The following RBPMS variants were observed in gnomAD, a reference collection of about 807,000 sequenced individuals.
RBPMS encodes the protein RNA binding protein, mRNA processing factor.
In RBPMS, 7 loss-of-function variants were observed where a neutral mutation model predicts 26.8. That is an observed-to-expected ratio of 0.26 (90% CI 0.15 to 0.49). The LOEUF is 0.49. RBPMS is among the 20% of genes least tolerant of loss of function. The pLI, the probability that RBPMS is intolerant of heterozygous loss-of-function variation, is 0.98. For missense variants in RBPMS, 186 were observed against 250.0 expected (o/e 0.74, Z 1.73); for synonymous variants, 96 against 93.3 (o/e 1.03, Z -0.17).
intron 1 of RBPMS, among the ~76,000 whole-genome samples, chr8:30,469,507 G>A (rs529654220): frequency 6.6e-6 from 1 of 152,358 alleles, no homozygotes; most frequent in South Asian, 2.1e-4. Context: ...TTTCAGTCCT[G>A]TTGGGGTAAA....
intron 4 of RBPMS, among the ~76,000 whole-genome samples, chr8:30,488,136 C>T (rs10108142): frequency 0.024 from 3,660 of 152,064 alleles, 139 homozygotes; most frequent in African/African-American, 0.083. Context: ...TTACACAAGA[C>T]ATCAGTCATA....
intron 5 of RBPMS, among the ~76,000 whole-genome samples, chr8:30,515,819 C>CT (rs1358265830): frequency 1.3e-5 from 2 of 151,976 alleles, no homozygotes; most frequent in Non-Finnish European, 2.9e-5. Flanking sequence ...CCTTGCCTGT[C>CT]TAATTTTCTA....
At chr8:30,437,790 CAA>C (rs11290191) in intron 1 of RBPMS, among the ~76,000 whole-genome samples, 123 of 106,180 alleles carry the variant, frequency 1.2e-3, no homozygotes, top group Admixed American at 1.2e-3. Context: ...GACTCCATCT[CAA>C]AAAAAAAAAA....
chr8:30,417,021 T>G (rs1359962168), intron 1 of RBPMS, among the ~76,000 whole-genome samples: 1 of 152,218 alleles, frequency 6.6e-6, no homozygotes, highest in Non-Finnish European at 1.5e-5. Flanking sequence ...CCTGCCCGCC[T>G]TGGCCTTCCA....
intron 1 of RBPMS, among the ~76,000 whole-genome samples, chr8:30,411,330 G>A (rs774171026): frequency 7.2e-5 from 11 of 152,034 alleles, no homozygotes; most frequent in African/African-American, 1.2e-4. Flanking sequence ...GACAGAGGAC[G>A]GAGGGTGGTG....
intron 1 of RBPMS, among the ~76,000 whole-genome samples, chr8:30,438,057 T>C (rs1458769757): frequency 6.6e-6 from 1 of 152,360 alleles, no homozygotes; most frequent in Non-Finnish European, 1.5e-5. Context: ...TTATTACTTA[T>C]TATTCATTCC....
intron 4 of RBPMS, among the ~76,000 whole-genome samples, chr8:30,486,295 G>A (rs1415326529): frequency 6.6e-6 from 1 of 151,484 alleles, no homozygotes; most frequent in East Asian, 1.9e-4. Flanking sequence ...AGCCAAGATC[G>A]CACCACTGCA....
At chr8:30,460,854 C>G (rs970714981) in intron 1 of RBPMS, among the ~76,000 whole-genome samples, 8 of 151,858 alleles carry the variant, frequency 5.3e-5, no homozygotes, top group African/African-American at 1.7e-4. Context: ...CTCAGGAGTT[C>G]GATAAATGTT....
Position 30,423,149 on chromosome 8 carries a change from G to A in RBPMS, c.66+37991G>A, listed in dbSNP as rs538544867. 4.3e-4 allele frequency among the ~76,000 whole-genome samples: 66 copies of A among 152,338 alleles called. 1 individual carries two copies. Among genetic ancestry groups the A allele is most frequent in the Admixed American group, 4.0e-3 (61 of 15,300 alleles). On this transcript the variant is annotated intron_variant, in intron 1 of 8. Transcript: ENST00000397323. ...TGTTTACTCTGGGTTCTGAATCGCC[G>A]TGGGCTTTGTTATCTGGTTTCCCAG...
At chr8:30,393,854 T>G (rs1808078654) in intron 1 of RBPMS, among the ~76,000 whole-genome samples, 1 of 149,106 alleles carries the variant, frequency 6.7e-6, no homozygotes, top group South Asian at 2.2e-4. Context: ...CTTTAAAAGT[T>G]TGCTGCCTTT....
intron 7 of RBPMS, among the ~76,000 whole-genome samples, chr8:30,560,689 G>A (rs1257883768): frequency 6.6e-6 from 1 of 152,166 alleles, no homozygotes; most frequent in African/African-American, 2.4e-5. Context: ...TTTACCCAAA[G>A]ATTCTCAGAG....
At chr8:30,542,068 C>T (rs866975106) in intron 5 of RBPMS, among the ~76,000 whole-genome samples, 8 of 152,092 alleles carry the variant, frequency 5.3e-5, no homozygotes, top group South Asian at 2.1e-4. Context: ...AGAAGGGAGA[C>T]GGAGATGATA....
At chr8:30,445,898 C>T (rs1813706597) in intron 1 of RBPMS, among the ~76,000 whole-genome samples, 2 of 151,966 alleles carry the variant, frequency 1.3e-5, no homozygotes, top group South Asian at 4.1e-4. Context: ...CTCCTGGACT[C>T]AAGTGATCCA....
At chr8:30,503,878 G>C (rs1467188110) in intron 4 of RBPMS, among the ~76,000 whole-genome samples, 1 of 152,116 alleles carries the variant, frequency 6.6e-6, no homozygotes, top group Non-Finnish European at 1.5e-5. Context: ...GACTTGTCTT[G>C]CGCTAGTGTC....
At chr8:30,433,040 C>G (rs944636073) in intron 1 of RBPMS, among the ~76,000 whole-genome samples, 2 of 152,270 alleles carry the variant, frequency 1.3e-5, no homozygotes, top group African/African-American at 4.8e-5. Context: ...AGAATAGACC[C>G]CTCTTTCAGT....
chr8:30,500,923 A>G (rs1820490838), intron 4 of RBPMS, among the ~76,000 whole-genome samples: 1 of 152,080 alleles, frequency 6.6e-6, no homozygotes, highest in Admixed American at 6.5e-5. Context: ...TAGTCCCTTC[A>G]TTGAGTCTGT....
intron 1 of RBPMS, among the ~76,000 whole-genome samples, chr8:30,430,970 T>C (rs1248335174): frequency 6.6e-6 from 1 of 152,248 alleles, no homozygotes; most frequent in African/African-American, 2.4e-5. Flanking sequence ...ATGATTAAAA[T>C]GCAGTAGCAT....
At chr8:30,451,563 G>A (rs1728896810) in intron 1 of RBPMS, among the ~76,000 whole-genome samples, 1 of 152,116 alleles carries the variant, frequency 6.6e-6, no homozygotes, top group East Asian at 1.9e-4. Flanking sequence ...TTTCTCTTTG[G>A]AATAGCTCAC....
At chr8:30,522,918 A>G (rs1823211293) in intron 5 of RBPMS, among the ~76,000 whole-genome samples, 1 of 152,176 alleles carries the variant, frequency 6.6e-6, no homozygotes, top group South Asian at 2.1e-4. Context: ...CCTTATTGAT[A>G]GGTCTATATA....
Sources: gnomAD v4.1 joint callset for allele counts (sites outside exome capture counted in the v4.1 genomes callset) on GRCh38, gnomAD v4.1.1 for gene constraint, MANE v1.5 for transcripts, NCBI Gene and HGNC (gene_info 2026-07-23, HGNC 2026-07-21) for gene names.